GRM5: variants seen among roughly 807,000 people sequenced by gnomAD.
GRM5 encodes glutamate metabotropic receptor 5.
In GRM5, 19 loss-of-function variants were observed where a neutral mutation model predicts 83.1. That is an observed-to-expected ratio of 0.23 (90% CI 0.16 to 0.34). GRM5 has a LOEUF of 0.34. GRM5 is among the 10% of genes least tolerant of loss of function. GRM5 has a pLI of 1.00. For synonymous variants in GRM5, 675 were observed against 633.6 expected, an observed-to-expected ratio of 1.07 and a Z score of -0.98; for missense variants, 1,160 against 1,588.3, an observed-to-expected ratio of 0.73 and a Z score of 4.58.
intron 3 of GRM5, among the ~76,000 whole-genome samples, chr11:88,663,589 GT>G (rs1289841806): frequency 1.3e-5 from 2 of 152,088 alleles, no homozygotes; most frequent in African/African-American, 4.8e-5. Context: ...TTTTCATGAA[GT>G]TTCCTTTCTT....
intron 3 of GRM5, among the ~76,000 whole-genome samples, chr11:88,756,526 C>A (rs1274217424): frequency 6.6e-6 from 1 of 152,006 alleles, no homozygotes; most frequent in Admixed American, 6.5e-5. Context: ...ATTAATATGT[C>A]TCATATAGTA....
At position 89,009,919 on chromosome 11, in the gene GRM5, A is replaced by AC. The variant is rs1940646508; in HGVS notation, c.661+37292_661+37293insG. Among the ~76,000 whole-genome samples the AC allele has an allele frequency of 7.9e-5, 10 of 126,456 alleles. 1 individual carries two copies. Among genetic ancestry groups the AC allele is most frequent in the African/African-American group, 3.4e-4 (8 of 23,788 alleles). 83.0% of individuals were successfully genotyped at this position (126,456 alleles called of 152,430 possible). A position where few individuals can be genotyped will look rare whatever the true frequency, so the allele number is the denominator to read the frequency against. On this transcript the variant is annotated intron_variant, in intron 2 of 9. Transcript: ENST00000305447. ...CCGTCTCAAAAAAAAAAAAAAAAAA[A>AC]AAAAAAAAAAACACACACAAAATCA...
intron 2 of GRM5, among the ~76,000 whole-genome samples, chr11:88,863,403 C>T (rs1040506823): frequency 6.6e-5 from 10 of 151,818 alleles, no homozygotes; most frequent in African/African-American, 1.9e-4. Context: ...AAAAATGATA[C>T]ATATACACCA....
At chr11:88,534,085 G>C (rs1330756539) in intron 8 of GRM5, among the ~76,000 whole-genome samples, 1 of 152,168 alleles carries the variant, frequency 6.6e-6, no homozygotes, top group South Asian at 2.1e-4. Context: ...AATGTCTGAC[G>C]TCCAGGCAGA....
chr11:88,625,155 G>T (rs981711904), intron 4 of GRM5, among the ~76,000 whole-genome samples: 2 of 152,066 alleles, frequency 1.3e-5, no homozygotes, highest in East Asian at 3.9e-4. Flanking sequence ...GTAAGATTTG[G>T]CAGCTCTACA....
Position 89,031,964 on chromosome 11 carries a change from G to A in GRM5, c.661+15248C>T, listed in dbSNP as rs373920874. On this transcript the variant is annotated intron_variant, in intron 2 of 9. Coordinates refer to ENST00000305447, the MANE Select transcript of GRM5 (RefSeq NM_001143831.3). ...GGCCAAAACAAAAATAAGAAAAATA[G>A]TATTAACAGATAGCATTTATTGACT... Among the ~76,000 whole-genome samples, 27 of 152,100 alleles carry A rather than the reference G, an allele frequency of 1.8e-4. 1 individual carries two copies. In the East Asian group the frequency reaches 3.9e-3, roughly 22 times the overall value.
intron 3 of GRM5, among the ~76,000 whole-genome samples, chr11:88,746,354 C>G (rs564055135): frequency 2.4e-4 from 36 of 152,014 alleles, no homozygotes; most frequent in African/African-American, 8.2e-4. Context: ...TTTCCTTTTT[C>G]CTTCTACTGG....
intron 8 of GRM5, among the ~76,000 whole-genome samples, chr11:88,557,759 T>C (rs988870515): frequency 6.6e-5 from 10 of 152,026 alleles, no homozygotes; most frequent in Admixed American, 2.6e-4. Context: ...TCCTTTTTTT[T>C]TTTTTTTTAA....
At chr11:88,767,400 A>G (rs1231355026) in intron 3 of GRM5, among the ~76,000 whole-genome samples, 1 of 152,068 alleles carries the variant, frequency 6.6e-6, no homozygotes, top group Non-Finnish European at 1.5e-5. Context: ...CACTATTCAC[A>G]ATAGCAAAGA....
intron 2 of GRM5, among the ~76,000 whole-genome samples, chr11:89,014,763 C>T (rs940326103): frequency 9.9e-5 from 15 of 152,052 alleles, no homozygotes; most frequent in African/African-American, 2.2e-4. Context: ...ATATTGCATG[C>T]GTGTATCAAA....
At position 88,508,692 on chromosome 11, in the gene GRM5, G is replaced by T; in HGVS notation, c.3539C>A (p.Pro1180His). 1 of 1,606,118 alleles carries T rather than the reference G, an allele frequency of 6.2e-7. No homozygotes were observed. Among genetic ancestry groups the T allele is most frequent in the Non-Finnish European group, 8.5e-7 (1 of 1,176,488 alleles). The change falls in exon 10 of 10, where the codon CCC becomes CAC. Residue 1180 changes from proline (P) to histidine (H), a missense_variant. Around this residue, in one of 9 missense-constraint regions of GRM5, gnomAD observed 562 missense variants for 532.4 expected, o/e 1.06. Coordinates refer to ENST00000305447, the MANE Select transcript of GRM5 (RefSeq NM_001143831.3). This position sits in a 1 kb window ranked among gnomAD's most constrained non-coding sequence, Gnocchi z 4.2. The part of the protein sequence containing the change: ...RDSVDSGSTT[P>H]NSPVSESALC... The stretch of plus-strand genomic sequence containing the variant: ...GGCCGACTCGGACACTGGCGAGTTG[G>T]GGGTTGTGCTCCCCGAGTCCACCGA...
intron 5 of GRM5, among the ~76,000 whole-genome samples, chr11:88,601,199 T>A (rs1937983480): frequency 1.3e-5 from 2 of 152,238 alleles, no homozygotes; most frequent in African/African-American, 4.8e-5. Flanking sequence ...ACAGATTTTT[T>A]ACCAGGACAA....
rs11018427 is a variant in GRM5, at chr11:89,020,615, T to C, written c.661+26597A>G. Reference sequence around the variant, plus strand: ...AGTCCACTTAAAAAACTCCATATAATCTGGTCTACATGTCCTAGACACAGA... The same window carrying C: ...AGTCCACTTAAAAAACTCCATATAACCTGGTCTACATGTCCTAGACACAGA... On this transcript the variant is annotated intron_variant, in intron 2 of 9. Coordinates refer to ENST00000305447, the MANE Select transcript of GRM5 (RefSeq NM_001143831.3). Among the ~76,000 whole-genome samples the C allele has an allele frequency of 9.8e-5, 15 of 152,296 alleles. No homozygotes were observed. The East Asian group carries it at 2.9e-3, about 29-fold the overall frequency.
At chr11:88,561,840 T>C (rs1942763230) in intron 8 of GRM5, among the ~76,000 whole-genome samples, 1 of 152,150 alleles carries the variant, frequency 6.6e-6, no homozygotes, top group African/African-American at 2.4e-5. Context: ...CGGGCCCTTT[T>C]CTATTTGTGC....
At chr11:88,721,576 A>G (rs987548136) in intron 3 of GRM5, among the ~76,000 whole-genome samples, 6 of 152,154 alleles carry the variant, frequency 3.9e-5, no homozygotes, top group African/African-American at 1.4e-4. Context: ...ATAAATGTTA[A>G]TAATTATTCC....
At chr11:88,631,650 G>A (rs957617379) in intron 4 of GRM5, among the ~76,000 whole-genome samples, 1 of 152,156 alleles carries the variant, frequency 6.6e-6, no homozygotes, top group Non-Finnish European at 1.5e-5. Flanking sequence ...TTTAACATAA[G>A]TGATCACTCC....
intron 9 of GRM5, among the ~76,000 whole-genome samples, chr11:88,512,900 G>C (rs753305804): frequency 6.6e-6 from 1 of 152,112 alleles, no homozygotes; most frequent in Non-Finnish European, 1.5e-5. Flanking sequence ...TAAAATATTT[G>C]GTAAGCCATA....
intron 2 of GRM5, among the ~76,000 whole-genome samples, chr11:88,958,753 T>C (rs180984188): frequency 6.6e-6 from 1 of 152,298 alleles, no homozygotes; most frequent in Non-Finnish European, 1.5e-5. Flanking sequence ...TATCCACTGG[T>C]ATTTACTATA....
At chr11:88,706,528 T>C (rs140785641) in intron 3 of GRM5, among the ~76,000 whole-genome samples, 2 of 152,234 alleles carry the variant, frequency 1.3e-5, no homozygotes, top group Non-Finnish European at 2.9e-5. Context: ...CTTTTAGTAA[T>C]ATTGCGATAC....
Sources: allele counts gnomAD v4.1 joint callset (sites outside exome capture counted in the v4.1 genomes callset), GRCh38; gene constraint gnomAD v4.1.1; regional missense constraint gnomAD v4.1.1; non-coding constraint Gnocchi (gnomAD v3.1); transcripts MANE v1.5; gene names NCBI Gene and HGNC (gene_info 2026-07-23, HGNC 2026-07-21).